The following NAT10 variants were observed in gnomAD, a reference collection of about 807,000 sequenced individuals.
The protein encoded by NAT10 is RNA cytidine acetyltransferase.
NAT10 carries 109 observed loss-of-function variants against 132.2 expected under a neutral mutation model. The observed-to-expected ratio is 0.82, with a 90% CI of 0.71 to 0.97. The LOEUF is 0.97. NAT10 is among the 50% of genes least tolerant of loss of function. The pLI is 0.00. For synonymous variants in NAT10, 479 were observed against 478.0 expected (o/e 1.00, Z -0.03); for missense variants, 1,184 against 1,263.4 (o/e 0.94, Z 0.95).
rs1852101790 is a variant in NAT10, at chr11:34,131,375, G to A, written c.1370-6G>A. ...CTTCTTTTGTGTGTGTGATTGTGGG[G>A]AGCAGCGCGGACACTGTATGAGGTT... On this transcript the variant is annotated splice_region_variant and splice_polypyrimidine_tract_variant and intron_variant, in intron 13 of 28. Coordinates refer to ENST00000257829, the MANE Select transcript of NAT10 (RefSeq NM_024662.3). 1 of 1,605,068 alleles carries A rather than the reference G, an allele frequency of 6.2e-7. No homozygotes were observed. The highest frequency in any genetic ancestry group is 8.5e-7 in the Non-Finnish European group (1 of 1,175,396).
At chr11:34,113,286 G>A (rs1169657619) in intron 4 of NAT10, among the ~76,000 whole-genome samples, 2 of 152,158 alleles carry the variant, frequency 1.3e-5, no homozygotes, top group African/African-American at 4.8e-5. Flanking sequence ...TTTCCAAATA[G>A]GATTTTATCA....
chr11:34,106,995 GGAT>G (rs1851604865), intron 1 of NAT10: 1 of 151,162 alleles, frequency 6.6e-6, no homozygotes, highest in African/African-American at 2.4e-5. Flanking sequence ...GTATTTATTG[GGAT>G]GATGCAGTAT....
rs754170442 is a variant in NAT10, at chr11:34,146,659, G to A, written c.*467G>A. The A allele has an allele frequency of 3.2e-5, 5 of 154,610 alleles. No homozygotes were observed. The highest frequency in any genetic ancestry group is 9.7e-5 in the African/African-American group (4 of 41,424). The allele number at this position is 154,610 out of a possible 1,614,324, so 9.6% of individuals were successfully genotyped here. On this transcript the variant is annotated 3_prime_UTR_variant, in exon 29 of 29. Transcript: ENST00000257829. ...AGCAGGAGGAACTCCAGTCCGTCCC[G>A]GCATCCATGGCAGCCCGCGGTTAGG... is the stretch of plus-strand genomic sequence containing the variant.
At position 34,135,169 on chromosome 11, in the gene NAT10, T is replaced by C; in HGVS notation, c.1912-6T>C. 3.1e-6 allele frequency: 5 copies of C among 1,612,844 alleles called. No homozygotes were observed. Among genetic ancestry groups the C allele is most frequent in the Non-Finnish European group, 4.2e-6 (5 of 1,178,940 alleles). ...TCGGCCTCTTCCCCTTCACGTTTGCTCCTAGATGGGCTATGGCAGCCGTGC... is the reference window on the plus strand; with the variant it reads ...TCGGCCTCTTCCCCTTCACGTTTGCCCCTAGATGGGCTATGGCAGCCGTGC... On this transcript the variant is annotated splice_region_variant and splice_polypyrimidine_tract_variant and intron_variant, in intron 18 of 28. Coordinates refer to ENST00000257829, the MANE Select transcript of NAT10 (RefSeq NM_024662.3).
In NAT10 at chr11:34,135,227, G is replaced by C. The variant is rs777561623; in HGVS notation, c.1964G>C (p.Arg655Thr). The stretch of plus-strand genomic sequence containing the variant: ...CTGCTGCAGATGTACTATGAAGGCA[G>C]GTTTCCTTGTCTGGAGGAAAAGGTC... ...LQLLQMYYEG[R>T]FPCLEEKVLE... The change falls in exon 19 of 29, where the codon AGG (arginine) becomes ACG (threonine). Residue 655 changes from arginine (R) to threonine (T), a missense_variant. By Grantham distance (71) the Arg-to-Thr change is moderately conservative. Transcript: ENST00000257829. 10 of 1,614,054 alleles carry C rather than the reference G, an allele frequency of 6.2e-6. No individual in the cohort carries two copies. In the East Asian group the frequency reaches 1.1e-4, roughly 18 times the overall value.
rs146056707 is a variant in NAT10, at chr11:34,120,769, A to G, written c.781-1690A>G. ...ACCATATGGTGAAGCAGAAGATGCT[A>G]CGTACAATGGGAAGAAAGAAAAAGT... is the stretch of plus-strand genomic sequence containing the variant. On this transcript the variant is annotated intron_variant, in intron 8 of 28. Coordinates refer to ENST00000257829, the MANE Select transcript of NAT10 (RefSeq NM_024662.3). 6.0e-3 allele frequency among the ~76,000 whole-genome samples: 907 copies of G among 152,320 alleles called. 13 individuals are homozygous for G. Among genetic ancestry groups the G allele is most frequent in the African/African-American group, 0.021 (864 of 41,568 alleles).
chr11:34,140,474 A>G lies in NAT10; in HGVS notation c.2494A>G (p.Met832Val). The change falls in exon 24 of 29, where the codon ATG becomes GTG. Residue 832 changes from methionine to valine, a missense_variant. Transcript: ENST00000257829. The part of the protein sequence containing the change: ...LKRLEMYSRN[M>V]VDYHLIMDMI... ...GCGGCTGGAGATGTATTCACGGAATATGGTGGACTATCACCTCATCATGGA... is the reference window on the plus strand; with the variant it reads ...GCGGCTGGAGATGTATTCACGGAATGTGGTGGACTATCACCTCATCATGGA... The G allele has an allele frequency of 6.2e-7, 1 of 1,614,208 alleles. No individual in the cohort carries two copies. Among genetic ancestry groups the G allele is most frequent in the Non-Finnish European group, 8.5e-7 (1 of 1,180,034 alleles).
intron 12 of NAT10, among the ~76,000 whole-genome samples, chr11:34,129,599 C>CTTTTTTTTTTTTTTT (rs71037399): frequency 1.1e-4 from 6 of 56,726 alleles, no homozygotes; most frequent in East Asian, 5.8e-4. Context: ...TCTTCTTCTT[C>CTTTTTTTTTTTTTTT]TTTTTTTTTT....
chr11:34,126,833 AG>A (rs1852002695), intron 11 of NAT10, among the ~76,000 whole-genome samples: 1 of 152,240 alleles, frequency 6.6e-6, no homozygotes, highest in African/African-American at 2.4e-5. Context: ...GAAACTGAAG[AG>A]GTTGTTTGTA....
intron 12 of NAT10, among the ~76,000 whole-genome samples, chr11:34,128,252 G>T (rs1852036792): frequency 1.3e-5 from 2 of 151,934 alleles, no homozygotes; most frequent in Non-Finnish European, 2.9e-5. Context: ...TACTCTGGAG[G>T]CTGAGGCAGG....
intron 12 of NAT10, among the ~76,000 whole-genome samples, chr11:34,128,866 C>CA (rs1852049447): frequency 1.3e-5 from 2 of 152,196 alleles, no homozygotes; most frequent in African/African-American, 4.8e-5. Context: ...CCTAGGGAGT[C>CA]ACTAATCTAC....
intron 12 of NAT10, among the ~76,000 whole-genome samples, chr11:34,128,135 CA>C (rs1267282554): frequency 2.0e-5 from 3 of 152,028 alleles, no homozygotes; most frequent in Non-Finnish European, 4.4e-5. Context: ...GCAGGCGGAT[CA>C]CAAGGTCAGG....
rs775375544 is a variant in NAT10 at position 34,108,262 on chromosome 11, C to T, written c.37C>T (p.Leu13Phe). 5.0e-6 allele frequency: 8 copies of T among 1,614,026 alleles called. No homozygotes were observed. In the Admixed American group the frequency reaches 1.3e-4, roughly 27 times the overall value. The change falls in exon 2 of 29, where the codon CTC becomes TTC. Residue 13 changes from leucine to phenylalanine, a missense_variant. Leu to Phe is a conservative substitution (Grantham distance 22, BLOSUM62 0). Coordinates refer to ENST00000257829, the MANE Select transcript of NAT10 (RefSeq NM_024662.3). ...RKKVDNRIRI[L>F]IENGVAERQR... ...AAAGGTGGATAACCGAATCCGGATTCTCATTGAGAATGGAGTAGCTGAGCG... is the reference window on the plus strand; with the variant it reads ...AAAGGTGGATAACCGAATCCGGATTTTCATTGAGAATGGAGTAGCTGAGCG...
chr11:34,123,831 A>G lies in NAT10; in HGVS notation c.984A>G (p.Lys328=). ...ATACTCTGTTTGAATTTGTATTTAA[A>G]GGATTTGATGCTCTGCAATATCAGG... ...NLHTLFEFVF[K]GFDALQYQEH... Residue 328 remains lysine (K), a synonymous_variant, in exon 10 of 29, where the codon AAA becomes AAG. Transcript: ENST00000257829. 1 of 1,611,064 alleles carries G rather than the reference A, an allele frequency of 6.2e-7. No individual in the cohort carries two copies. The highest frequency in any genetic ancestry group is 8.5e-7 in the Non-Finnish European group (1 of 1,177,240).
intron 8 of NAT10, among the ~76,000 whole-genome samples, chr11:34,119,845 A>T (rs993777519): frequency 6.6e-6 from 1 of 152,194 alleles, no homozygotes; most frequent in South Asian, 2.1e-4. Context: ...TCTTACAGAT[A>T]AGTCTGTGGG....
At chr11:34,132,943 C>A in intron 15 of NAT10, 83 bp from the exon 16 acceptor site, 1 of 1,077,378 alleles carries the variant, frequency 9.3e-7, no homozygotes, top group Non-Finnish European at 1.4e-6. Context: ...ATACTGCAGT[C>A]ATCCTGTGGT....
chr11:34,139,244 G>C lies in NAT10; in HGVS notation c.2265G>C (p.Glu755Asp). The change falls in exon 22 of 29, where the codon GAG becomes GAC. Residue 755 changes from glutamate (E) to aspartate (D), a missense_variant. Glu to Asp is a conservative substitution (Grantham distance 45). Transcript: ENST00000257829. ...SCIMLKTLTD[E>D]DEADQGGWLA... ...TCATGCTGAAGACGCTCACTGATGA[G>C]GATGAGGCTGACCAGGGAGGCTGGC... 6.2e-7 allele frequency: 1 copy of C among 1,614,170 alleles called. No homozygotes were observed. Among genetic ancestry groups the C allele is most frequent in the Non-Finnish European group, 8.5e-7 (1 of 1,180,022 alleles).
chr11:34,136,955 C>T, intron 20 of NAT10, 23 bp from the exon 21 acceptor site: 1 of 1,614,150 alleles, frequency 6.2e-7, no homozygotes, highest in Non-Finnish European at 8.5e-7. Context: ...ACACAGTGAC[C>T]TACTGTCTTT....
Position 34,136,669 on chromosome 11 carries a change from A to T in NAT10, c.2056A>T (p.Thr686Ser), listed in dbSNP as rs140893294. 1.2e-6 allele frequency: 2 copies of T among 1,613,370 alleles called. No individual in the cohort carries two copies. Among genetic ancestry groups the T allele is most frequent in the Non-Finnish European group, 1.7e-6 (2 of 1,179,908 alleles). Residue 686 changes from threonine to serine, a missense_variant, in exon 20 of 29, where the codon ACT becomes TCT. Thr to Ser is a moderately conservative substitution (Grantham distance 58, BLOSUM62 1). Transcript: ENST00000257829. ...EAVSLLEEVITPRKDLPPLLL... is the reference protein window; with the variant it reads ...EAVSLLEEVISPRKDLPPLLL... ...TGTCAGCTTGTTGGAAGAGGTCATCACTCCCCGGAAGGACCTGCCTCCTTT... is the reference window on the plus strand; with the variant it reads ...TGTCAGCTTGTTGGAAGAGGTCATCTCTCCCCGGAAGGACCTGCCTCCTTT...
Sources: gnomAD v4.1 joint callset for allele counts (sites outside exome capture counted in the v4.1 genomes callset) on GRCh38, gnomAD v4.1.1 for gene constraint, MANE v1.5 for transcripts, NCBI Gene and HGNC (gene_info 2026-07-23, HGNC 2026-07-21) for gene names.